Variants in SLC22A15 observed in about 807,000 individuals in gnomAD.
The protein encoded by SLC22A15 is solute carrier family 22 member 15.
Under a neutral mutation model 62.7 loss-of-function variants are expected in SLC22A15, and 45 were observed. The observed-to-expected ratio is 0.72, with a 90% CI of 0.56 to 0.92. The LOEUF (loss-of-function observed/expected upper bound fraction) is 0.92. SLC22A15 is among the 40% of genes least tolerant of loss of function. The pLI, the probability that SLC22A15 is intolerant of heterozygous loss-of-function variation, is 0.00. For missense variants in SLC22A15, 622 were observed against 665.6 expected, an observed-to-expected ratio of 0.93 and a Z score of 0.72; for synonymous variants, 264 against 267.0, an observed-to-expected ratio of 0.99 and a Z score of 0.11.
At chr1:115,995,174 G>A (rs1013445730) in intron 2 of SLC22A15, among the ~76,000 whole-genome samples, 1 of 152,024 alleles carries the variant, frequency 6.6e-6, no homozygotes, top group Non-Finnish European at 1.5e-5. Flanking sequence ...ATATCCATCT[G>A]CCCTTAGTGG....
chr1:116,066,572 C>A lies in SLC22A15; in HGVS notation c.1418C>A (p.Thr473Asn). 1 of 1,607,306 alleles carries A rather than the reference C, an allele frequency of 6.2e-7. No homozygotes were observed. Among genetic ancestry groups the A allele is most frequent in the Non-Finnish European group, 8.5e-7 (1 of 1,176,760 alleles). ...PFIVFGATGLTSGLLSLLLPE... is the reference protein window; with the variant it reads ...PFIVFGATGLNSGLLSLLLPE... Reference sequence around the variant, plus strand: ...ATTGTCTTCGGAGCCACGGGTCTGACCTCCGGCCTCCTGAGTTTGTTATTG... The same window carrying A: ...ATTGTCTTCGGAGCCACGGGTCTGAACTCCGGCCTCCTGAGTTTGTTATTG... Residue 473 changes from threonine (T) to asparagine (N), a missense_variant, in exon 11 of 12, where the codon ACC (threonine) becomes AAC (asparagine). Thr to Asn is a moderately conservative substitution (Grantham distance 65). Coordinates refer to ENST00000369503, the MANE Select transcript of SLC22A15 (RefSeq NM_018420.3).
Position 115,984,562 on chromosome 1 carries a change from T to C in SLC22A15, c.88-7469T>C, listed in dbSNP as rs77285884. 7.0e-3 allele frequency among the ~76,000 whole-genome samples: 1,064 copies of C among 152,294 alleles called. 13 individuals are homozygous for C. Among genetic ancestry groups the C allele is most frequent in the African/African-American group, 0.022 (916 of 41,558 alleles). The stretch of plus-strand genomic sequence containing the variant: ...ATGGAGCTGAAAAATTCCTATTGCC[T>C]AGTATTTCCTGTGCTATATTTTTAA... On this transcript the variant is annotated intron_variant, in intron 1 of 11. Coordinates refer to ENST00000369503, the MANE Select transcript of SLC22A15 (RefSeq NM_018420.3).
In SLC22A15 at chr1:115,990,918, C is replaced by T. The variant is rs535301994; in HGVS notation, c.88-1113C>T. ...AATTACAGGTGCCCACCACCACACC[C>T]GGAAAATTTGTGTATTTTTGGTAGA... On this transcript the variant is annotated intron_variant, in intron 1 of 11. Coordinates refer to ENST00000369503, the MANE Select transcript of SLC22A15 (RefSeq NM_018420.3). Among the ~76,000 whole-genome samples the T allele has an allele frequency of 1.1e-4, 16 of 152,220 alleles. No homozygotes were observed. The South Asian group carries it at 2.3e-3, about 22-fold the overall frequency.
intron 4 of SLC22A15, among the ~76,000 whole-genome samples, chr1:116,024,263 A>G (rs993107078): frequency 2.6e-5 from 4 of 152,158 alleles, no homozygotes; most frequent in African/African-American, 9.7e-5. Context: ...ACCAGTAGAG[A>G]TGGGGAGAGC....
In SLC22A15 at chr1:116,069,106, G is replaced by A. The variant is rs1458542874; in HGVS notation, c.*1998G>A. 1 of 152,162 alleles carries A rather than the reference G, an allele frequency of 6.6e-6. No homozygotes were observed. Among genetic ancestry groups the A allele is most frequent in the Non-Finnish European group, 1.5e-5 (1 of 68,040 alleles). 9.4% of individuals were successfully genotyped at this position (152,162 alleles called of 1,614,324 possible). Reference sequence around the variant, plus strand: ...GCCTCTGGCTAATAGAGTTCAATTAGTTCTATCCCTGGGTTTCCTTTCTTA... The same window carrying A: ...GCCTCTGGCTAATAGAGTTCAATTAATTCTATCCCTGGGTTTCCTTTCTTA... On this transcript the variant is annotated 3_prime_UTR_variant, in exon 12 of 12. Transcript: ENST00000369503.
chr1:116,016,956 G>A (rs1656567152), intron 2 of SLC22A15, among the ~76,000 whole-genome samples: 1 of 152,160 alleles, frequency 6.6e-6, no homozygotes, highest in African/African-American at 2.4e-5. Flanking sequence ...AGTGGCCAGA[G>A]TGATCTTTAG....
intron 4 of SLC22A15, among the ~76,000 whole-genome samples, chr1:116,025,066 T>C (rs1041198341): frequency 2.0e-5 from 3 of 152,136 alleles, no homozygotes; most frequent in Admixed American, 2.0e-4. Flanking sequence ...ATCGAACATT[T>C]GTATAACATG....
intron 1 of SLC22A15, among the ~76,000 whole-genome samples, chr1:115,991,425 A>C (rs181340607): frequency 9.2e-5 from 14 of 152,366 alleles, no homozygotes; most frequent in African/African-American, 3.1e-4. Context: ...ATGAATATCT[A>C]TAGCTGGGAC....
chr1:116,017,441 A>G (rs1656599238), intron 2 of SLC22A15: 1 of 152,168 alleles, frequency 6.6e-6, no homozygotes, highest in Non-Finnish European at 1.5e-5. Context: ...TAGGAAAACC[A>G]GCTAATTTAC....
At chr1:116,028,941 CT>C (rs1166072910) in intron 5 of SLC22A15, among the ~76,000 whole-genome samples, 2 of 152,264 alleles carry the variant, frequency 1.3e-5, no homozygotes, top group Admixed American at 6.5e-5. Flanking sequence ...CATTGTCTTT[CT>C]TTTTTGAATT....
chr1:115,996,653 G>A (rs192351414), intron 2 of SLC22A15, among the ~76,000 whole-genome samples: 283 of 151,196 alleles, frequency 1.9e-3, no homozygotes, highest in Non-Finnish European at 3.6e-3. Context: ...TTTATTGCTA[G>A]TATAGATAAA....
At chr1:116,045,026 A>C (rs1300585542) in intron 8 of SLC22A15, among the ~76,000 whole-genome samples, 2 of 152,098 alleles carry the variant, frequency 1.3e-5, no homozygotes, top group African/African-American at 2.4e-5. Context: ...GGTGATAGAA[A>C]TTGACAAGTT....
chr1:115,993,708 C>T (rs1655271962), intron 2 of SLC22A15, among the ~76,000 whole-genome samples: 2 of 152,108 alleles, frequency 1.3e-5, no homozygotes, highest in African/African-American at 2.4e-5. Flanking sequence ...CGTTACTCTT[C>T]ACTTAGAAAC....
chr1:115,998,791 CTCA>C (rs1388193020), intron 2 of SLC22A15, among the ~76,000 whole-genome samples: 1 of 151,840 alleles, frequency 6.6e-6, no homozygotes, highest in Non-Finnish European at 1.5e-5. Flanking sequence ...TATTTCTTCT[CTCA>C]TCTTTATTAT....
At chr1:116,049,766 G>GAAAC (rs947704976) in intron 8 of SLC22A15, among the ~76,000 whole-genome samples, 1 of 151,902 alleles carries the variant, frequency 6.6e-6, no homozygotes, top group Non-Finnish European at 1.5e-5. Context: ...AGAACTAAAT[G>GAAAC]AAACAAACAA....
In SLC22A15 at chr1:115,987,797, C is replaced by T. The variant is rs567516927; in HGVS notation, c.88-4234C>T. Among the ~76,000 whole-genome samples the T allele has an allele frequency of 2.0e-5, 3 of 152,228 alleles. No individual in the cohort carries two copies. The South Asian group carries it at 6.2e-4, about 32-fold the overall frequency. On this transcript the variant is annotated intron_variant, in intron 1 of 11. Coordinates refer to ENST00000369503, the MANE Select transcript of SLC22A15 (RefSeq NM_018420.3). ...GCTCTGGCCCCAAAGTTAAGTGGTT[C>T]TCGTTCTCATCCTGGTTTTGCAATT...
chr1:116,047,871 T>C (rs1019484233), intron 8 of SLC22A15, among the ~76,000 whole-genome samples: 2 of 152,060 alleles, frequency 1.3e-5, no homozygotes, highest in Non-Finnish European at 2.9e-5. Flanking sequence ...AGGAAATAGA[T>C]AGCTTAAATA....
Position 116,026,887 on chromosome 1 carries a change from A to G in SLC22A15, c.599-6A>G. 6.2e-7 allele frequency: 1 copy of G among 1,612,430 alleles called. No individual in the cohort carries two copies. The highest frequency in any genetic ancestry group is 1.3e-5 in the African/African-American group (1 of 74,982). ...TCCAGTGACAGTTCTCTTTTCCCTG[A>G]ATTAGGATCGATTGGCGGCCTGTTC... On this transcript the variant is annotated splice_polypyrimidine_tract_variant and splice_region_variant and intron_variant, in intron 4 of 11. Transcript: ENST00000369503.
chr1:116,011,530 A>G (rs17035098), intron 2 of SLC22A15, among the ~76,000 whole-genome samples: 34,449 of 152,114 alleles, frequency 0.23, 4,501 homozygotes, highest in East Asian at 0.47. Flanking sequence ...TGCTCTTCTT[A>G]CATAAATAAT....
Sources: allele counts gnomAD v4.1 joint callset (sites outside exome capture counted in the v4.1 genomes callset), GRCh38; gene constraint gnomAD v4.1.1; transcripts MANE v1.5; gene names NCBI Gene and HGNC (gene_info 2026-07-23, HGNC 2026-07-21).